L3MBTL4: variants seen among roughly 807,000 people sequenced by gnomAD.
The protein encoded by L3MBTL4 is lethal(3)malignant brain tumor-like protein 4.
Under a neutral mutation model 84.5 loss-of-function variants are expected in L3MBTL4, and 70 were observed. The ratio of observed to expected loss-of-function variants is 0.83; its 90% confidence interval spans 0.68 to 1.01. The LOEUF is 1.01. L3MBTL4 is among the 50% of genes least tolerant of loss of function. L3MBTL4 has a pLI of 0.00. For missense variants in L3MBTL4, 715 were observed against 754.8 expected (o/e 0.95, Z 0.62); for synonymous variants, 274 against 259.8 (o/e 1.05, Z -0.52).
intron 13 of L3MBTL4, among the ~76,000 whole-genome samples, chr18:6,170,068 T>C (rs2043891186): frequency 6.6e-6 from 1 of 152,084 alleles, no homozygotes; most frequent in Admixed American, 6.6e-5. Flanking sequence ...TAATTATAAA[T>C]TCATGCGATA....
At chr18:6,162,817 A>G (rs562575077) in intron 13 of L3MBTL4, among the ~76,000 whole-genome samples, 7 of 152,230 alleles carry the variant, frequency 4.6e-5, no homozygotes, top group Admixed American at 2.6e-4. Context: ...GGACAGCTAT[A>G]GAAAGGTAAG....
intron 3 of L3MBTL4, among the ~76,000 whole-genome samples, chr18:6,309,320 T>C (rs2050726206): frequency 6.6e-6 from 1 of 152,206 alleles, no homozygotes; most frequent in African/African-American, 2.4e-5. Context: ...AAAATGAACA[T>C]TGTTACTGGC....
At chr18:6,095,579 T>G (rs892935342) in intron 14 of L3MBTL4, among the ~76,000 whole-genome samples, 3 of 152,178 alleles carry the variant, frequency 2.0e-5, no homozygotes, top group Non-Finnish European at 4.4e-5. Context: ...CTCGATCTCC[T>G]GACCTCATGA....
intron 5 of L3MBTL4, among the ~76,000 whole-genome samples, chr18:6,254,121 T>C (rs1313917963): frequency 2.6e-5 from 4 of 152,124 alleles, no homozygotes; most frequent in Non-Finnish European, 5.9e-5. Context: ...CAAATGGATA[T>C]AAGCATTTCC....
In L3MBTL4 at chr18:6,276,826, T is replaced by TGTGGTGAAA. The variant is rs2049100759; in HGVS notation, c.128-12789_128-12788insTTTCACCAC. ...GAAATGCTAGCAGTTAGCGGCTCTA[T>TGTGGTGAAA]AAATTTCCGATGTGGTGACTTATGA... is the stretch of plus-strand genomic sequence containing the variant. On this transcript the variant is annotated intron_variant, in intron 4 of 18. Transcript: ENST00000317931. 2.0e-5 allele frequency among the ~76,000 whole-genome samples: 3 copies of TGTGGTGAAA among 152,118 alleles called. No individual in the cohort carries two copies. In the South Asian group the frequency reaches 6.2e-4, roughly 32 times the overall value.
chr18:6,045,344 T>C (rs1373214127), intron 16 of L3MBTL4, among the ~76,000 whole-genome samples: 1 of 152,236 alleles, frequency 6.6e-6, no homozygotes, highest in African/African-American at 2.4e-5. Flanking sequence ...CTAAGGAATT[T>C]GTTGCATCTA....
intron 1 of L3MBTL4, among the ~76,000 whole-genome samples, chr18:6,409,839 C>T (rs1397086506): frequency 6.6e-6 from 1 of 152,154 alleles, no homozygotes; most frequent in East Asian, 1.9e-4. Context: ...GCAAAGTTAC[C>T]AGGTACACTT....
intron 1 of L3MBTL4, among the ~76,000 whole-genome samples, chr18:6,399,290 T>C (rs1029618795): frequency 1.3e-5 from 2 of 151,922 alleles, no homozygotes; most frequent in African/African-American, 4.8e-5. Flanking sequence ...ATACATAAAT[T>C]ACCCGGGTGT....
rs553211412 is a variant in L3MBTL4 at position 5,969,226 on chromosome 18, A to T, written c.1614+167T>A. Among the ~76,000 whole-genome samples the T allele has an allele frequency of 1.0e-3, 158 of 152,274 alleles. 1 individual carries two copies. Among genetic ancestry groups the T allele is most frequent in the African/African-American group, 3.7e-3 (154 of 41,542 alleles). ...GCTTTCCTCATCTCCTCAGAATCAT[A>T]TCTGGCTTCTCCCTCTAATTTAGGT... On this transcript the variant is annotated intron_variant, in intron 17 of 18. Transcript: ENST00000317931.
chr18:6,051,813 C>G (rs374424401), intron 16 of L3MBTL4, among the ~76,000 whole-genome samples: 16 of 151,972 alleles, frequency 1.1e-4, no homozygotes, highest in African/African-American at 3.6e-4. Flanking sequence ...ACCGTAAGAG[C>G]CTATTTTTCA....
At chr18:6,024,434 T>TA (rs2055412152) in intron 16 of L3MBTL4, among the ~76,000 whole-genome samples, 1 of 152,212 alleles carries the variant, frequency 6.6e-6, no homozygotes, top group African/African-American at 2.4e-5. Context: ...CATTTACACT[T>TA]ACATAAATAG....
chr18:6,029,547 C>T lies in L3MBTL4; in HGVS notation c.1444+51334G>A, dbSNP rs924828141. The T allele has an allele frequency of 6.1e-5, 60 of 985,116 alleles. No individual in the cohort carries two copies. The Middle Eastern group carries it at 1.5e-3, about 25-fold the overall frequency. 61.0% of individuals were successfully genotyped at this position (985,116 alleles called of 1,614,324 possible). A position where few individuals can be genotyped will look rare whatever the true frequency, so the allele number is the denominator to read the frequency against. ...GGTGGAGGACATCAAGGAAGAAATA[C>T]GTCCATTTATTGCAGCAACAAAAAC... is the stretch of plus-strand genomic sequence containing the variant. On this transcript the variant is annotated intron_variant, in intron 16 of 18. Transcript: ENST00000317931.
intron 16 of L3MBTL4, among the ~76,000 whole-genome samples, chr18:6,073,597 G>T (rs188792617): frequency 6.6e-6 from 1 of 152,282 alleles, no homozygotes; most frequent in East Asian, 1.9e-4. Flanking sequence ...AGCTTCTCCT[G>T]TGAACATATT....
At position 6,196,156 on chromosome 18, in the gene L3MBTL4, TC is replaced by T. The variant is rs1307997135; in HGVS notation, c.981+16992del. 3.5e-5 allele frequency among the ~76,000 whole-genome samples: 5 copies of T among 142,492 alleles called. No homozygotes were observed. In the East Asian group the frequency reaches 9.9e-4, roughly 28 times the overall value. The allele number at this position is 142,492 out of a possible 152,430, so 93.5% of individuals were successfully genotyped here. On this transcript the variant is annotated intron_variant, in intron 12 of 18. Transcript: ENST00000317931. ...CTCATTTGTGCCTATCTAGAGTTCC[TC>T]TTTTTTTTTTTTTTTTTTGAGACTG...
intron 16 of L3MBTL4, among the ~76,000 whole-genome samples, chr18:5,991,817 A>G (rs953096741): frequency 3.3e-5 from 5 of 152,094 alleles, no homozygotes; most frequent in African/African-American, 1.2e-4. Context: ...GAAAAAAATC[A>G]ACACTGGCTG....
intron 10 of L3MBTL4, among the ~76,000 whole-genome samples, chr18:6,234,400 T>C (rs2047129037): frequency 6.6e-6 from 1 of 152,046 alleles, no homozygotes; most frequent in Non-Finnish European, 1.5e-5. Flanking sequence ...TGGGAGAAAA[T>C]GTTTGCAATC....
intron 1 of L3MBTL4, among the ~76,000 whole-genome samples, chr18:6,402,937 C>T (rs2055572058): frequency 6.6e-6 from 1 of 152,080 alleles, no homozygotes; most frequent in Admixed American, 6.6e-5. Context: ...ATTTATTTAC[C>T]TTTATTTATC....
chr18:6,371,061 T>A (rs960249061), intron 1 of L3MBTL4, among the ~76,000 whole-genome samples: 1 of 152,182 alleles, frequency 6.6e-6, no homozygotes, highest in African/African-American at 2.4e-5. Context: ...GTTTTGTTTT[T>A]TTAAAGTCCA....
At chr18:6,143,578 T>A (rs1331695062) in intron 13 of L3MBTL4, among the ~76,000 whole-genome samples, 1 of 152,200 alleles carries the variant, frequency 6.6e-6, no homozygotes, top group East Asian at 1.9e-4. Context: ...CAGAAAATAA[T>A]CGTATTTTTG....
Sources: gnomAD v4.1 joint callset for allele counts (sites outside exome capture counted in the v4.1 genomes callset) on GRCh38, gnomAD v4.1.1 for gene constraint, MANE v1.5 for transcripts, NCBI Gene and HGNC (gene_info 2026-07-23, HGNC 2026-07-21) for gene names.